KCNIP4: variants seen among roughly 807,000 people sequenced by gnomAD.
KCNIP4 encodes the protein Kv channel-interacting protein 4.
KCNIP4 carries 12 observed loss-of-function variants against 34.0 expected under a neutral mutation model. The ratio of observed to expected loss-of-function variants is 0.35; its 90% CI spans 0.23 to 0.57. KCNIP4 has a LOEUF of 0.57. Ranked by LOEUF, KCNIP4 falls within the 20% of genes least tolerant of loss-of-function variation. The pLI is 0.83. For synonymous variants in KCNIP4, 124 were observed against 102.2 expected, an observed-to-expected ratio of 1.21 and a Z score of -1.29; for missense variants, 238 against 311.7, an observed-to-expected ratio of 0.76 and a Z score of 1.78.
intron 1 of KCNIP4, among the ~76,000 whole-genome samples, chr4:21,459,625 C>A (rs1014892654): frequency 6.6e-6 from 1 of 152,056 alleles, no homozygotes; most frequent in African/African-American, 2.4e-5. Context: ...GTATCTCAAA[C>A]TTGTCAGGTT....
chr4:21,646,640 C>A (rs1274137881), intron 1 of KCNIP4, among the ~76,000 whole-genome samples: 2 of 152,124 alleles, frequency 1.3e-5, no homozygotes, highest in Non-Finnish European at 2.9e-5. Context: ...CCATGGTTGG[C>A]AAATGCAAGC....
intron 1 of KCNIP4, among the ~76,000 whole-genome samples, chr4:21,187,303 A>T (rs1755305448): frequency 6.6e-6 from 1 of 152,154 alleles, no homozygotes; most frequent in Admixed American, 6.5e-5. Context: ...AATTCAAAGG[A>T]AGTTAATCAT....
At chr4:21,475,213 A>G (rs1730850499) in intron 1 of KCNIP4, among the ~76,000 whole-genome samples, 1 of 152,126 alleles carries the variant, frequency 6.6e-6, no homozygotes, top group South Asian at 2.1e-4. Flanking sequence ...ATATATCTCT[A>G]CTTTTATGTA....
At chr4:20,860,350 C>T (rs1722062247) in intron 2 of KCNIP4, among the ~76,000 whole-genome samples, 1 of 152,156 alleles carries the variant, frequency 6.6e-6, no homozygotes, top group Admixed American at 6.5e-5. Flanking sequence ...GTTGATTAGG[C>T]TGGTCTCAAA....
At position 21,360,500 on chromosome 4, in the gene KCNIP4, C is replaced by T. The variant is rs1017912202; in HGVS notation, c.62-477791G>A. Among the ~76,000 whole-genome samples the T allele has an allele frequency of 2.6e-5, 4 of 151,950 alleles. No individual in the cohort carries two copies. The East Asian group carries it at 5.8e-4, about 22-fold the overall frequency. ...AAGAAGTGACATGCTGTGGGGAAAA[C>T]CTCTTTTATATTTAATTGTCTTTTT... On this transcript the variant is annotated intron_variant, in intron 1 of 8. Transcript: ENST00000382152.
intron 1 of KCNIP4, among the ~76,000 whole-genome samples, chr4:21,301,130 A>C (rs1216584524): frequency 2.0e-5 from 3 of 152,178 alleles, no homozygotes; most frequent in Admixed American, 6.5e-5. Flanking sequence ...AACAGGACCC[A>C]AGACTCAAGG....
intron 3 of KCNIP4, among the ~76,000 whole-genome samples, chr4:20,806,016 T>C (rs566989634): frequency 6.6e-6 from 1 of 152,116 alleles, no homozygotes; most frequent in Non-Finnish European, 1.5e-5. Context: ...TTTGAAATAC[T>C]ACTATTTCTG....
At chr4:21,576,233 T>C (rs1345580544) in intron 1 of KCNIP4, among the ~76,000 whole-genome samples, 2 of 152,134 alleles carry the variant, frequency 1.3e-5, no homozygotes, top group Non-Finnish European at 2.9e-5. Context: ...AACCCTGACA[T>C]TGGAGATTCT....
intron 1 of KCNIP4, among the ~76,000 whole-genome samples, chr4:21,434,818 A>T (rs1430959845): frequency 6.6e-6 from 1 of 151,290 alleles, no homozygotes; most frequent in East Asian, 1.9e-4. Flanking sequence ...CCGGTGGCGA[A>T]AAGGTTGGGG....
intron 1 of KCNIP4, among the ~76,000 whole-genome samples, chr4:21,783,375 G>A (rs1262810050): frequency 6.6e-6 from 1 of 151,896 alleles, no homozygotes; most frequent in East Asian, 1.9e-4. Flanking sequence ...GCACCAGAGA[G>A]GAATAAAGAT....
In KCNIP4 at chr4:21,683,446, A is replaced by ATT. The variant is rs71191533; in HGVS notation, c.61+265123_61+265124dup. Among the ~76,000 whole-genome samples, 74 of 46,612 alleles carry ATT rather than the reference A, an allele frequency of 1.6e-3. 26 individuals are homozygous for ATT. Among genetic ancestry groups the ATT allele is most frequent in the Non-Finnish European group, 2.2e-3 (52 of 24,000 alleles). 30.6% of individuals were successfully genotyped at this position (46,612 alleles called of 152,430 possible). A position where few individuals can be genotyped will look rare whatever the true frequency, so the allele number is the denominator to read the frequency against. On this transcript the variant is annotated intron_variant, in intron 1 of 8. Transcript: ENST00000382152. ...TACGACTAATGATTGGTGAAGCCAG[A>ATT]TTTTTTTTTTTTTTTTTTTTTTTTT...
intron 1 of KCNIP4, among the ~76,000 whole-genome samples, chr4:21,168,399 G>A (rs1175650656): frequency 6.6e-6 from 1 of 152,134 alleles, no homozygotes; most frequent in Non-Finnish European, 1.5e-5. Context: ...ATAGTTTCCT[G>A]AGTCTGAGTC....
intron 1 of KCNIP4, among the ~76,000 whole-genome samples, chr4:21,472,790 A>G (rs1730582305): frequency 6.6e-6 from 1 of 152,164 alleles, no homozygotes; most frequent in African/African-American, 2.4e-5. Context: ...AACATACTCA[A>G]ACTGCCCAGT....
At chr4:21,431,723 A>T (rs1577350038) in intron 1 of KCNIP4, among the ~76,000 whole-genome samples, 1 of 152,134 alleles carries the variant, frequency 6.6e-6, no homozygotes, top group East Asian at 1.9e-4. Context: ...GAATTCCAAG[A>T]TAGATTAATA....
chr4:20,981,782 A>G (rs117290901), intron 1 of KCNIP4, among the ~76,000 whole-genome samples: 1 of 152,354 alleles, frequency 6.6e-6, no homozygotes, highest in East Asian at 1.9e-4. Flanking sequence ...TCTATATTGA[A>G]TTAAAAGTTT....
chr4:21,765,907 C>G (rs920709853), intron 1 of KCNIP4, among the ~76,000 whole-genome samples: 1 of 150,836 alleles, frequency 6.6e-6, no homozygotes, highest in Non-Finnish European at 1.5e-5. Context: ...AGCCCAAGAG[C>G]AAAGATACTT....
intron 1 of KCNIP4, among the ~76,000 whole-genome samples, chr4:21,528,766 A>G (rs1340573540): frequency 4.2e-4 from 5 of 12,024 alleles, no homozygotes; most frequent in African/African-American, 1.7e-3. Flanking sequence ...AAAGAAAGAA[A>G]GAAAGAAAGA....
chr4:20,915,125 C>T (rs751501365), intron 1 of KCNIP4, among the ~76,000 whole-genome samples: 1 of 152,190 alleles, frequency 6.6e-6, no homozygotes, highest in Non-Finnish European at 1.5e-5. Context: ...TCTAGCATGA[C>T]ATATATTTTT....
chr4:21,794,045 T>G (rs1720464415), intron 1 of KCNIP4, among the ~76,000 whole-genome samples: 2 of 152,164 alleles, frequency 1.3e-5, no homozygotes, highest in African/African-American at 4.8e-5. Context: ...ACCCCGCATG[T>G]TCTCACTCAT....
Sources: gnomAD v4.1 joint callset for allele counts (sites outside exome capture counted in the v4.1 genomes callset) on GRCh38, gnomAD v4.1.1 for gene constraint, MANE v1.5 for transcripts, NCBI Gene and HGNC (gene_info 2026-07-23, HGNC 2026-07-21) for gene names.